The following SLC22A11 variants were observed in gnomAD, a reference collection of about 807,000 sequenced individuals.
SLC22A11 encodes the protein organic anion transporter 4.
SLC22A11 carries 42 observed loss-of-function variants against 49.4 expected under a neutral mutation model. That is an observed-to-expected ratio of 0.85 (90% CI 0.66 to 1.10). The LOEUF (loss-of-function observed/expected upper bound fraction) is 1.10. Among genes scored for constraint, SLC22A11 ranks in the 50% least tolerant of loss-of-function variants. SLC22A11 has a pLI of 0.00. For synonymous variants in SLC22A11, 304 were observed against 315.8 expected (o/e 0.96, Z 0.40); for missense variants, 685 against 731.6 (o/e 0.94, Z 0.74).
chr11:64,568,611 G>T (rs1280757575), intron 7 of SLC22A11, 59 bp from the exon 8 acceptor site: 1 of 1,442,080 alleles, frequency 6.9e-7, no homozygotes, highest in Non-Finnish European at 9.8e-7. Flanking sequence ...GCCGCACACT[G>T]ACTAGCCCCT....
In SLC22A11 at chr11:64,564,641, C is replaced by A. The variant is rs1420173189; in HGVS notation, c.942+213C>A. Among the ~76,000 whole-genome samples, 1 of 151,956 alleles carries A rather than the reference C, an allele frequency of 6.6e-6. No homozygotes were observed. The highest frequency in any genetic ancestry group is 1.5e-5 in the Non-Finnish European group (1 of 67,952). On this transcript the variant is annotated intron_variant, in intron 5 of 9. Transcript: ENST00000301891. This position sits in a 1 kb window ranked among gnomAD's most constrained non-coding sequence, Gnocchi z 4.2. ...CCCGATACCATCACCAACAGCACCA[C>A]CACTGTCCACACCCACCATCACCTT...
rs201570209 is a variant in SLC22A11, at chr11:64,561,982, G to A, written c.498-22G>A. 156 of 1,600,962 alleles carry A rather than the reference G, an allele frequency of 9.7e-5. 1 individual carries two copies. In the Middle Eastern group the frequency reaches 4.5e-3, roughly 46 times the overall value. ...CCTCAGGGGCCCCTCTCCAGGCCCC[G>A]TGTGCTTCTCTCCTGTGACAGGTTT... On this transcript the variant is annotated intron_variant, in intron 2 of 9. Transcript: ENST00000301891.
intron 8 of SLC22A11, 32 bp downstream of exon 8, chr11:64,568,810 C>T: frequency 1.3e-6 from 2 of 1,588,242 alleles, no homozygotes; most frequent in Non-Finnish European, 1.7e-6. Flanking sequence ...GCCCCAGGGC[C>T]AGCAGGGCCG....
chr11:64,562,407 C>T lies in SLC22A11; in HGVS notation c.793C>T (p.Pro265Ser), dbSNP rs1263093753. Residue 265 changes from proline to serine, a missense_variant, in exon 4 of 10, where the codon CCC (proline) becomes TCC (serine). Pro to Ser is a moderately conservative substitution (Grantham distance 74). Coordinates refer to ENST00000301891, the MANE Select transcript of SLC22A11 (RefSeq NM_018484.4). The surrounding 1 kb of genome is among the most constrained non-coding windows in gnomAD (Gnocchi z 4.4). ...GACTCTCCAGCTGGCAGCATCAGTG[C>T]CCTTCTTTGCCATCTCCCTGATATC... ...WRTLQLAASV[P>S]FFAISLISWW... The T allele has an allele frequency of 6.3e-7, 1 of 1,593,356 alleles. No individual in the cohort carries two copies. The highest frequency in any genetic ancestry group is 1.8e-5 in the Admixed American group (1 of 57,074).
chr11:64,568,820 G>A (rs762811010), intron 8 of SLC22A11, 42 bp downstream of exon 8: 15 of 1,547,490 alleles, frequency 9.7e-6, no homozygotes, highest in Admixed American at 3.3e-5. Flanking sequence ...CAGCAGGGCC[G>A]TCCTGAGAGG....
intron 7 of SLC22A11, among the ~76,000 whole-genome samples, chr11:64,568,117 C>A (rs1042303783): frequency 1.3e-5 from 2 of 152,262 alleles, no homozygotes; most frequent in Non-Finnish European, 2.9e-5. Flanking sequence ...CGGGGCCCTG[C>A]AGGCTGCAGC....
chr11:64,565,455 C>A lies in SLC22A11; in HGVS notation c.1058+118C>A. On this transcript the variant is annotated intron_variant, in intron 6 of 9. Transcript: ENST00000301891. This position sits in a 1 kb window ranked among gnomAD's most constrained non-coding sequence, Gnocchi z 4.1. ...AGCACCCGCAGGCCTCAAGGGGGTGCATTTCTGTCTGGGACAGGACGCAGA... is the reference window on the plus strand; with the variant it reads ...AGCACCCGCAGGCCTCAAGGGGGTGAATTTCTGTCTGGGACAGGACGCAGA... The A allele has an allele frequency of 1.2e-6, 1 of 830,072 alleles. No individual in the cohort carries two copies. Among genetic ancestry groups the A allele is most frequent in the Non-Finnish European group, 2.0e-6 (1 of 504,312 alleles). 51.4% of individuals were successfully genotyped at this position (830,072 alleles called of 1,614,324 possible).
Position 64,568,371 on chromosome 11 carries a change from G to C in SLC22A11, c.1274-299G>C, listed in dbSNP as rs12272267. ...TCTCCGTCATAGCAAGAGGCATCTC[G>C]GGACCCTAGGAGCCGCGGTGGGGGG... On this transcript the variant is annotated intron_variant, in intron 7 of 9. Coordinates refer to ENST00000301891, the MANE Select transcript of SLC22A11 (RefSeq NM_018484.4). Among the ~76,000 whole-genome samples, 6 of 152,246 alleles carry C rather than the reference G, an allele frequency of 3.9e-5. No individual in the cohort carries two copies. In the South Asian group the frequency reaches 8.3e-4, roughly 21 times the overall value.
rs1332983871 is a variant in SLC22A11 at position 64,569,794 on chromosome 11, C to G, written c.1525C>G (p.Leu509Val). ...CTCCATTGCTTCCAGCCTGGTTGTGCTGTTCTTCCTCCCGGAGACCCAGGG... is the reference window on the plus strand; with the variant it reads ...CTCCATTGCTTCCAGCCTGGTTGTGGTGTTCTTCCTCCCGGAGACCCAGGG... ...VISIASSLVV[L>V]FFLPETQGLP... is the part of the protein sequence containing the mutation. The change falls in exon 9 of 10, where the codon CTG becomes GTG. Residue 509 changes from leucine to valine, a missense_variant. Transcript: ENST00000301891. The G allele has an allele frequency of 6.2e-7, 1 of 1,614,096 alleles. No individual in the cohort carries two copies.
chr11:64,569,520 C>T, intron 8 of SLC22A11, 132 bp from the exon 9 acceptor site: 1 of 875,212 alleles, frequency 1.1e-6, no homozygotes, highest in East Asian at 2.5e-5. Context: ...GAGGAGGTGG[C>T]ATTAGAGGAG....
At position 64,564,258 on chromosome 11, in the gene SLC22A11, C is replaced by T. The variant is rs1565122332; in HGVS notation, c.822-50C>T. 14 of 1,608,816 alleles carry T rather than the reference C, an allele frequency of 8.7e-6. No individual in the cohort carries two copies. The highest frequency in any genetic ancestry group is 3.3e-4 in the Middle Eastern group (2 of 6,054). The stretch of plus-strand genomic sequence containing the variant: ...CCCACTGCCCCTTTCCACCCCGCCC[C>T]GGGGGAGAGCCCAGCGTGCACTCCC... On this transcript the variant is annotated intron_variant, in intron 4 of 9. Coordinates refer to ENST00000301891, the MANE Select transcript of SLC22A11 (RefSeq NM_018484.4). This position sits in a 1 kb window ranked among gnomAD's most constrained non-coding sequence, Gnocchi z 4.2.
rs987298384 is a variant in SLC22A11 at position 64,565,269 on chromosome 11, G to T, written c.990G>T (p.Pro330=). The change falls in exon 6 of 10, where the codon CCG becomes CCT. Residue 330 remains proline (P), a synonymous_variant. Transcript: ENST00000301891. This position sits in a 1 kb window ranked among gnomAD's most constrained non-coding sequence, Gnocchi z 4.1. ...AGGAGGTGGCCTCTGCAAAGGAGCC[G>T]CGGTCGGTGCTGGACCTGTTCTGCG... ...VKEEVASAKE[P]RSVLDLFCVP... 1.9e-6 allele frequency: 3 copies of T among 1,550,282 alleles called. No homozygotes were observed. The highest frequency in any genetic ancestry group is 1.2e-5 in the South Asian group (1 of 83,976).
In SLC22A11 at chr11:64,565,770, C is replaced by A; in HGVS notation, c.1058+433C>A. ...TGCATTCGCTGACCCCTCCATGCAACCCCACTTCACTGATGGGGAAAGAGG... is the reference window on the plus strand; with the variant it reads ...TGCATTCGCTGACCCCTCCATGCAAACCCACTTCACTGATGGGGAAAGAGG... On this transcript the variant is annotated intron_variant, in intron 6 of 9. Transcript: ENST00000301891. This position sits in a 1 kb window ranked among gnomAD's most constrained non-coding sequence, Gnocchi z 4.1. The A allele has an allele frequency of 2.9e-6, 1 of 347,250 alleles. No individual in the cohort carries two copies. Among genetic ancestry groups the A allele is most frequent in the Non-Finnish European group, 5.8e-6 (1 of 173,864 alleles). The allele number at this position is 347,250 out of a possible 1,614,324, so 21.5% of individuals were successfully genotyped here.
At position 64,565,197 on chromosome 11, in the gene SLC22A11, A is replaced by G; in HGVS notation, c.943-25A>G. 1 of 1,496,200 alleles carries G rather than the reference A, an allele frequency of 6.7e-7. No homozygotes were observed. The highest frequency in any genetic ancestry group is 9.0e-7 in the Non-Finnish European group (1 of 1,110,222). The allele number at this position is 1,496,200 out of a possible 1,614,324, so 92.7% of individuals were successfully genotyped here. On this transcript the variant is annotated intron_variant, in intron 5 of 9. Coordinates refer to ENST00000301891, the MANE Select transcript of SLC22A11 (RefSeq NM_018484.4). This position sits in a 1 kb window ranked among gnomAD's most constrained non-coding sequence, Gnocchi z 4.1. ...GGGCAGGGCCATTGCCCTACCATTC[A>G]CGGTGCCCCCATTCTCCCCGGAAGG...
Position 64,569,691 on chromosome 11 carries a change from G to A in SLC22A11, c.1422G>A (p.Leu474=), listed in dbSNP as rs2038676447. The A allele has an allele frequency of 3.7e-6, 6 of 1,614,004 alleles. No homozygotes were observed. Among genetic ancestry groups the A allele is most frequent in the Non-Finnish European group, 5.1e-6 (6 of 1,180,032 alleles). ...GCATTCTGCATACAGTGGGCCGGCT[G>A]GGGGCTATGATGGGTCCCCTGATCC... ...ADGILHTVGR[L]GAMMGPLILM... Residue 474 remains leucine, a synonymous_variant, in exon 9 of 10, where the codon CTG becomes CTA. Coordinates refer to ENST00000301891, the MANE Select transcript of SLC22A11 (RefSeq NM_018484.4).
chr11:64,566,857 T>C (rs1161339870), intron 6 of SLC22A11, among the ~76,000 whole-genome samples: 1 of 152,210 alleles, frequency 6.6e-6, no homozygotes, highest in African/African-American at 2.4e-5. Flanking sequence ...GAATTTTACC[T>C]TGCAGCCAGT....
chr11:64,556,306 A>T lies in SLC22A11; in HGVS notation c.307A>T (p.Thr103Ser). 3.7e-6 allele frequency: 6 copies of T among 1,613,574 alleles called. No individual in the cohort carries two copies. The highest frequency in any genetic ancestry group is 5.1e-6 in the Non-Finnish European group (6 of 1,179,988). The change falls in exon 1 of 10, where the codon ACC (threonine) becomes TCC (serine). Residue 103 changes from threonine (T) to serine (S), a missense_variant. Thr to Ser is a moderately conservative substitution (Grantham distance 58, BLOSUM62 1). Coordinates refer to ENST00000301891, the MANE Select transcript of SLC22A11 (RefSeq NM_018484.4). ...WQLLDPNATA[T>S]SWSEADTEPC... ...GCTCTTGGACCCCAATGCCACGGCCACCAGCTGGAGCGAAGCTGACACGGA... is the reference window on the plus strand; with the variant it reads ...GCTCTTGGACCCCAATGCCACGGCCTCCAGCTGGAGCGAAGCTGACACGGA...
In SLC22A11 at chr11:64,562,145, T is replaced by C; in HGVS notation, c.639T>C (p.Ser213=). The C allele has an allele frequency of 6.2e-7, 1 of 1,613,710 alleles. No individual in the cohort carries two copies. The highest frequency in any genetic ancestry group is 1.7e-5 in the Admixed American group (1 of 60,012). Residue 213 remains serine, a synonymous_variant, in exon 3 of 10, where the codon AGT becomes AGC. Transcript: ENST00000301891. This position sits in a 1 kb window ranked among gnomAD's most constrained non-coding sequence, Gnocchi z 4.4. ...AAFGMAGIFL[S]SLTLMVEWTT... The stretch of plus-strand genomic sequence containing the variant: ...TTGGGATGGCCGGCATCTTTCTGAG[T>C]TCACTGACACTGAGTGAGTCCCCGG...
Position 64,565,621 on chromosome 11 carries a change from C to G in SLC22A11, c.1058+284C>G. On this transcript the variant is annotated intron_variant, in intron 6 of 9. Transcript: ENST00000301891. This position sits in a 1 kb window ranked among gnomAD's most constrained non-coding sequence, Gnocchi z 4.1. ...CCAGGGTCCCAGGGAGGTCCCAAGACAGAGGCAGAGCCAGGGTCCCTAGAG... is the reference window on the plus strand; with the variant it reads ...CCAGGGTCCCAGGGAGGTCCCAAGAGAGAGGCAGAGCCAGGGTCCCTAGAG... 1.9e-6 allele frequency: 1 copy of G among 520,666 alleles called. No individual in the cohort carries two copies. The highest frequency in any genetic ancestry group is 3.7e-6 in the Non-Finnish European group (1 of 269,944). The allele number at this position is 520,666 out of a possible 1,614,324, so 32.3% of individuals were successfully genotyped here.
Sources: allele counts gnomAD v4.1 joint callset (sites outside exome capture counted in the v4.1 genomes callset), GRCh38; gene constraint gnomAD v4.1.1; non-coding constraint Gnocchi (gnomAD v3.1); transcripts MANE v1.5; gene names NCBI Gene and HGNC (gene_info 2026-07-23, HGNC 2026-07-21).